Variants in DCC observed in about 807,000 individuals in gnomAD.
DCC encodes netrin receptor DCC.
In DCC, 58 loss-of-function variants were observed where a neutral mutation model predicts 172.5. That is an observed-to-expected ratio of 0.34 (90% CI 0.27 to 0.42). The LOEUF is 0.42. Ranked by LOEUF, DCC falls within the 10% of genes least tolerant of loss-of-function variation. The pLI is 1.00. For synonymous variants in DCC, 709 were observed against 644.5 expected (o/e 1.10, Z -1.52); for missense variants, 1,740 against 1,791.0 (o/e 0.97, Z 0.51).
At chr18:53,374,999 C>T (rs2058095254) in intron 15 of DCC, among the ~76,000 whole-genome samples, 2 of 152,164 alleles carry the variant, frequency 1.3e-5, no homozygotes, top group African/African-American at 4.8e-5. Flanking sequence ...TGCAGTGACC[C>T]ATGGGTGGAT....
At chr18:52,856,501 C>G (rs1407473220) in intron 2 of DCC, among the ~76,000 whole-genome samples, 4 of 151,496 alleles carry the variant, frequency 2.6e-5, no homozygotes, top group African/African-American at 9.7e-5. Context: ...TGGCGGGCAC[C>G]TGTAGTTCCA....
intron 12 of DCC, among the ~76,000 whole-genome samples, chr18:53,221,057 G>C (rs1483918376): frequency 6.6e-6 from 1 of 151,754 alleles, no homozygotes; most frequent in Non-Finnish European, 1.5e-5. Flanking sequence ...CTATAATTTG[G>C]GTAGAACTCA....
intron 1 of DCC, among the ~76,000 whole-genome samples, chr18:52,730,001 C>T (rs934353776): frequency 1.3e-5 from 2 of 152,180 alleles, no homozygotes; most frequent in African/African-American, 4.8e-5. Context: ...TCTTGAAGCA[C>T]TGACTTAAAA....
intron 1 of DCC, among the ~76,000 whole-genome samples, chr18:52,604,545 G>T (rs1454569911): frequency 1.3e-5 from 2 of 152,154 alleles, no homozygotes; most frequent in African/African-American, 4.8e-5. Context: ...ACAGAGAAGG[G>T]AGGAAGGTTG....
chr18:53,298,011 T>C (rs1191380182), intron 12 of DCC, among the ~76,000 whole-genome samples: 1 of 152,218 alleles, frequency 6.6e-6, no homozygotes, highest in Non-Finnish European at 1.5e-5. Context: ...TAACTGATTA[T>C]ATTAATTAAT....
At chr18:52,830,306 C>T (rs187206783) in intron 2 of DCC, among the ~76,000 whole-genome samples, 2 of 152,236 alleles carry the variant, frequency 1.3e-5, no homozygotes, top group African/African-American at 2.4e-5. Context: ...TTTTTTAGCT[C>T]ATCAGCTATC....
At chr18:52,782,499 A>G (rs2037564871) in intron 2 of DCC, among the ~76,000 whole-genome samples, 2 of 151,876 alleles carry the variant, frequency 1.3e-5, no homozygotes, top group Non-Finnish European at 1.5e-5. Flanking sequence ...GACTCTGCAC[A>G]CTCTAGTGTC....
At chr18:53,157,312 T>C in intron 7 of DCC, 44 bp from the exon 8 acceptor site, 1 of 1,613,206 alleles carries the variant, frequency 6.2e-7, no homozygotes, top group Non-Finnish European at 8.5e-7. Flanking sequence ...AATTCTTACC[T>C]ATGGCAGCGA....
chr18:53,117,561 A>G (rs1286267887), intron 7 of DCC, among the ~76,000 whole-genome samples: 1 of 151,734 alleles, frequency 6.6e-6, no homozygotes, highest in Non-Finnish European at 1.5e-5. Context: ...TCTGCTGCTT[A>G]TATGCAGACA....
intron 1 of DCC, among the ~76,000 whole-genome samples, chr18:52,576,174 G>T (rs974910731): frequency 6.6e-6 from 1 of 152,186 alleles, no homozygotes; most frequent in Non-Finnish European, 1.5e-5. Context: ...AAGAAATCAA[G>T]TTTCCTTTGC....
intron 15 of DCC, among the ~76,000 whole-genome samples, chr18:53,370,182 G>C (rs560733219): frequency 1.3e-4 from 20 of 151,856 alleles, no homozygotes; most frequent in African/African-American, 4.6e-4. Flanking sequence ...GTCTTGGTTG[G>C]TAGTATGTTT....
intron 12 of DCC, among the ~76,000 whole-genome samples, chr18:53,260,356 G>T (rs1200320049): frequency 6.6e-6 from 1 of 152,090 alleles, no homozygotes; most frequent in African/African-American, 2.4e-5. Flanking sequence ...GGTCTTTGAT[G>T]ATGGTGACGT....
chr18:53,068,208 A>G (rs1460804227), intron 7 of DCC, among the ~76,000 whole-genome samples: 1 of 152,124 alleles, frequency 6.6e-6, no homozygotes, highest in African/African-American at 2.4e-5. Flanking sequence ...CATAAGTAGG[A>G]GAAAAGGAAC....
intron 1 of DCC, among the ~76,000 whole-genome samples, chr18:52,365,723 G>C (rs781134745): frequency 6.6e-6 from 1 of 152,186 alleles, no homozygotes; most frequent in African/African-American, 2.4e-5. Context: ...TATTGCTACA[G>C]ATCAGAGATT....
chr18:53,378,204 A>G (rs987260707), intron 15 of DCC, among the ~76,000 whole-genome samples: 1 of 152,010 alleles, frequency 6.6e-6, no homozygotes, highest in African/African-American at 2.4e-5. Context: ...CAGGTTATCC[A>G]CCTGCCTCAG....
chr18:53,442,257 A>G (rs1912323055), intron 22 of DCC, among the ~76,000 whole-genome samples: 1 of 152,210 alleles, frequency 6.6e-6, no homozygotes, highest in East Asian at 1.9e-4. Flanking sequence ...GCATTGTGCA[A>G]GACTATTGGC....
At chr18:52,922,341 C>T (rs1015069451) in intron 3 of DCC, among the ~76,000 whole-genome samples, 3 of 152,126 alleles carry the variant, frequency 2.0e-5, no homozygotes, top group Non-Finnish European at 4.4e-5. Flanking sequence ...CTGTGATATA[C>T]CTGTGTGGAG....
intron 7 of DCC, among the ~76,000 whole-genome samples, chr18:53,094,523 C>A (rs551084913): frequency 6.6e-6 from 1 of 152,182 alleles, no homozygotes; most frequent in East Asian, 1.9e-4. Context: ...TCTCAGAATC[C>A]CTGTGGAATT....
At chr18:52,760,711 G>A (rs1431746) in intron 2 of DCC, among the ~76,000 whole-genome samples, 149,879 of 152,308 alleles carry the variant, frequency 0.98, 73,797 homozygotes, top group East Asian at 1. Context: ...TATATTATTT[G>A]GACTCAATAA....
Sources: allele counts gnomAD v4.1 joint callset (sites outside exome capture counted in the v4.1 genomes callset), GRCh38; gene constraint gnomAD v4.1.1; transcripts MANE v1.5; gene names NCBI Gene and HGNC (gene_info 2026-07-23, HGNC 2026-07-21).